The following WSCD2 variants were observed in gnomAD, a reference collection of about 807,000 sequenced individuals.
The protein encoded by WSCD2 is WSC domain sialate O sulfotransferase 2, also known as sialate:O-sulfotransferase 2.
Under a neutral mutation model 55.7 loss-of-function variants are expected in WSCD2, and 28 were observed. The ratio of observed to expected loss-of-function variants is 0.50; its 90% CI spans 0.37 to 0.69. The LOEUF (loss-of-function observed/expected upper bound fraction) is 0.69. WSCD2 is among the 30% of genes least tolerant of loss of function. The pLI is 0.00. For missense variants in WSCD2, 616 were observed against 762.1 expected (o/e 0.81, Z 2.26); for synonymous variants, 301 against 301.9 (o/e 1.00, Z 0.03).
intron 2 of WSCD2, among the ~76,000 whole-genome samples, chr12:108,203,996 A>G (rs1885022233): frequency 6.6e-6 from 1 of 152,242 alleles, no homozygotes; most frequent in Non-Finnish European, 1.5e-5. Flanking sequence ...CGGAAGTAAC[A>G]TGAGTAGTTA....
intron 1 of WSCD2, among the ~76,000 whole-genome samples, chr12:108,163,142 A>G (rs1480153042): frequency 6.6e-6 from 1 of 152,162 alleles, no homozygotes; most frequent in African/African-American, 2.4e-5. Context: ...TCTGATTCCA[A>G]GTCTGAGCTC....
rs565497386 is a variant in WSCD2, at chr12:108,145,985, T to C, written c.-552+16059T>C. ...TGGAAACATAAAAACAAGGAAGAAA[T>C]TACCACCATCGTCCTGAAGGTAGTT... is the stretch of plus-strand genomic sequence containing the variant. On this transcript the variant is annotated intron_variant, in intron 1 of 8. Transcript: ENST00000547525. Among the ~76,000 whole-genome samples the C allele has an allele frequency of 3.3e-5, 5 of 152,202 alleles. No homozygotes were observed. The South Asian group carries it at 1.0e-3, about 32-fold the overall frequency.
chr12:108,247,068 T>C (rs1890146333), intron 8 of WSCD2, among the ~76,000 whole-genome samples: 1 of 152,202 alleles, frequency 6.6e-6, no homozygotes, highest in Non-Finnish European at 1.5e-5. Flanking sequence ...TGTGAGGAGA[T>C]ACCACTACTA....
intron 8 of WSCD2, 62 bp from the exon 9 acceptor site, chr12:108,247,929 A>G: frequency 1.3e-6 from 2 of 1,546,870 alleles, no homozygotes; most frequent in East Asian, 2.3e-5. Flanking sequence ...TGCCAGCACC[A>G]TCTGACTGGG....
At chr12:108,189,588 G>T (rs1334437605) in intron 1 of WSCD2, 2 of 152,184 alleles carry the variant, frequency 1.3e-5, no homozygotes, top group African/African-American at 4.8e-5. Context: ...TGACCAAAAA[G>T]GAAAGGACTG....
In WSCD2 at chr12:108,240,330, C is replaced by T; in HGVS notation, c.1145-14C>T. On this transcript the variant is annotated splice_polypyrimidine_tract_variant and intron_variant, in intron 7 of 8. Coordinates refer to ENST00000547525, the MANE Select transcript of WSCD2 (RefSeq NM_014653.4). ...AGCTCACCAGTCCTGTTCCTCACCT[C>T]TGGCTGCGGGAAGGGTTTAAAGGTG... The T allele has an allele frequency of 1.2e-6, 2 of 1,613,696 alleles. No homozygotes were observed. The highest frequency in any genetic ancestry group is 1.7e-5 in the Admixed American group (1 of 60,024).
At chr12:108,136,949 G>A (rs1439723050) in intron 1 of WSCD2, among the ~76,000 whole-genome samples, 1 of 152,220 alleles carries the variant, frequency 6.6e-6, no homozygotes, top group African/African-American at 2.4e-5. Context: ...GTGACTGAAT[G>A]GCTGGAGGGT....
intron 1 of WSCD2, chr12:108,171,613 A>G (rs1486624344): frequency 1.3e-5 from 2 of 152,256 alleles, no homozygotes; most frequent in Admixed American, 1.3e-4. Flanking sequence ...ATTTTTTAAC[A>G]TAACTTCTAG....
intron 1 of WSCD2, among the ~76,000 whole-genome samples, chr12:108,191,052 C>T (rs1048660176): frequency 6.6e-6 from 1 of 152,120 alleles, no homozygotes; most frequent in Non-Finnish European, 1.5e-5. Flanking sequence ...GATATTAATA[C>T]AATTATAATC....
chr12:108,229,865 G>GAAA (rs199775108), intron 6 of WSCD2, among the ~76,000 whole-genome samples: 10 of 117,248 alleles, frequency 8.5e-5, no homozygotes, highest in Admixed American at 2.7e-4. Context: ...TTTTGCTCTG[G>GAAA]AAAAAAAAAA....
intron 1 of WSCD2, among the ~76,000 whole-genome samples, chr12:108,164,765 C>A (rs901740732): frequency 1.3e-5 from 2 of 152,198 alleles, no homozygotes; most frequent in African/African-American, 4.8e-5. Context: ...TCCAACAGAT[C>A]TACCCACATC....
intron 1 of WSCD2, among the ~76,000 whole-genome samples, chr12:108,141,408 A>G (rs1302573713): frequency 2.0e-5 from 3 of 152,164 alleles, no homozygotes; most frequent in Non-Finnish European, 4.4e-5. Flanking sequence ...GTTCTAAACA[A>G]TACAAATTTA....
At chr12:108,151,964 G>A (rs1878046432) in intron 1 of WSCD2, among the ~76,000 whole-genome samples, 1 of 152,202 alleles carries the variant, frequency 6.6e-6, no homozygotes, top group Non-Finnish European at 1.5e-5. Flanking sequence ...CCAGACGGGA[G>A]AATGGCTCTG....
At chr12:108,163,939 A>T (rs1465499610) in intron 1 of WSCD2, among the ~76,000 whole-genome samples, 1 of 152,088 alleles carries the variant, frequency 6.6e-6, no homozygotes, top group Admixed American at 6.6e-5. Context: ...AAAATTAAGG[A>T]AAGATACTAA....
intron 1 of WSCD2, among the ~76,000 whole-genome samples, chr12:108,176,028 T>G (rs965297901): frequency 6.6e-6 from 1 of 151,902 alleles, no homozygotes; most frequent in Non-Finnish European, 1.5e-5. Context: ...TTTGGTAGAG[T>G]TGGGGTTTCA....
intron 1 of WSCD2, among the ~76,000 whole-genome samples, chr12:108,192,780 C>T (rs1203931178): frequency 1.3e-5 from 2 of 152,184 alleles, no homozygotes; most frequent in Non-Finnish European, 2.9e-5. Context: ...CCTACTGGCT[C>T]AAAGACTCCT....
chr12:108,134,451 T>A (rs946220619), intron 1 of WSCD2, among the ~76,000 whole-genome samples: 2 of 152,182 alleles, frequency 1.3e-5, no homozygotes, highest in African/African-American at 2.4e-5. Context: ...GAGAGCTGCC[T>A]TCTCAGCCTG....
intron 4 of WSCD2, among the ~76,000 whole-genome samples, chr12:108,213,084 C>T (rs1886418901): frequency 6.6e-6 from 1 of 152,104 alleles, no homozygotes; most frequent in African/African-American, 2.4e-5. Flanking sequence ...AGTGCAGGGA[C>T]CATTCATTGA....
intron 6 of WSCD2, among the ~76,000 whole-genome samples, chr12:108,230,271 C>G (rs1458688308): frequency 6.6e-6 from 1 of 152,210 alleles, no homozygotes; most frequent in Non-Finnish European, 1.5e-5. Context: ...AAACCATTCC[C>G]TGAAGCTTAC....
Sources: gnomAD v4.1 joint callset for allele counts (sites outside exome capture counted in the v4.1 genomes callset) on GRCh38, gnomAD v4.1.1 for gene constraint, MANE v1.5 for transcripts, NCBI Gene and HGNC (gene_info 2026-07-23, HGNC 2026-07-21) for gene names.